The following TAF1 variants were observed in gnomAD, a reference collection of about 807,000 sequenced individuals.
The protein encoded by TAF1 is TATA-box binding protein associated factor 1, also known as transcription initiation factor TFIID subunit 1.
A neutral mutation model predicts 138.5 loss-of-function variants in TAF1; 2 were observed. The observed-to-expected ratio is 0.01, with a 90% CI of 0.01 to 0.05. The LOEUF (loss-of-function observed/expected upper bound fraction) is 0.05. Among genes scored for constraint, TAF1 ranks in the 10% least tolerant of loss-of-function variants. The pLI is 1.00. For missense variants in TAF1, 709 were observed against 1,478.0 expected, an observed-to-expected ratio of 0.48 and a Z score of 8.53; for synonymous variants, 437 against 503.2, an observed-to-expected ratio of 0.87 and a Z score of 1.76.
In TAF1 at chrX:71,388,393, C is replaced by T. The variant is rs2034367208; in HGVS notation, c.2569+15C>T. ...CAAACGCACAGGTCGTCTGTTGTGA[C>T]TAGTTATTTGTCTGCCTTTTTCCAA... On this transcript the variant is annotated intron_variant, in intron 16 of 37. Transcript: ENST00000423759. The T allele has an allele frequency of 8.4e-7, 1 of 1,195,593 alleles. No homozygotes were observed. The highest frequency in any genetic ancestry group is 1.9e-5 in the South Asian group (1 of 53,909).
At chrX:71,379,216 A>G (rs1425167101) in intron 8 of TAF1, among the ~76,000 whole-genome samples, 185 bp downstream of exon 8, 1 of 105,461 alleles carries the variant, frequency 9.5e-6, no homozygotes, top group Non-Finnish European at 1.9e-5. Context: ...CCCCAGTTCA[A>G]GCGGTTCTTC....
intron 32 of TAF1, among the ~76,000 whole-genome samples, chrX:71,447,997 G>T (rs762872376): frequency 1.1e-4 from 12 of 111,915 alleles, no homozygotes; most frequent in African/African-American, 3.9e-4. Flanking sequence ...CTTCAGCCAT[G>T]ATTTAACAAG....
intron 32 of TAF1, among the ~76,000 whole-genome samples, chrX:71,448,959 C>T (rs2037827198): frequency 9.1e-6 from 1 of 109,519 alleles, no homozygotes; most frequent in Admixed American, 9.8e-5. Context: ...GCTGGGACTA[C>T]AGGCATGTGC....
At chrX:71,370,454 CT>C (rs2032965018) in intron 3 of TAF1, among the ~76,000 whole-genome samples, 1 of 111,379 alleles carries the variant, frequency 9.0e-6, no homozygotes, top group African/African-American at 3.3e-5. Flanking sequence ...TCAAGTGATT[CT>C]TCCACCTCAG....
intron 25 of TAF1, among the ~76,000 whole-genome samples, chrX:71,405,654 A>G (rs1342418242): frequency 8.9e-6 from 1 of 112,418 alleles, no homozygotes; most frequent in Non-Finnish European, 1.9e-5. Context: ...CCCAGCCTCC[A>G]TCCTTGTTGA....
intron 13 of TAF1, among the ~76,000 whole-genome samples, chrX:71,511,765 C>T (rs1472947016): frequency 2.7e-5 from 3 of 111,837 alleles, no homozygotes; most frequent in South Asian, 3.7e-4. Context: ...CCTGTGATCC[C>T]GGCACTTTGG....
At chrX:71,455,619 A>G (rs1014587408) in intron 34 of TAF1, among the ~76,000 whole-genome samples, 10 of 112,126 alleles carry the variant, frequency 8.9e-5, no homozygotes, top group African/African-American at 2.9e-4. Context: ...CCTGCTGTCT[A>G]GCTTTGTAAT....
chrX:71,367,765 G>A, intron 2 of TAF1, 152 bp downstream of exon 2: 1 of 657,324 alleles, frequency 1.5e-6, no homozygotes, highest in Middle Eastern at 4.4e-4. Flanking sequence ...CCGCCACCCG[G>A]GTTCAAGCAT....
Position 71,388,840 on chromosome X carries a change from G to A in TAF1, c.2672G>A (p.Ser891Asn), listed in dbSNP as rs1051213693. ...VSPEQCCAYY[S>N]MIAAEQRLKD... ...CCAGAGCAGTGCTGTGCTTATTATA[G>A]CATGATAGCTGCAGAGCAACGACTG... The change falls in exon 17 of 38, where the codon AGC becomes AAC. Residue 891 changes from serine (S) to asparagine (N), a missense_variant. Coordinates refer to ENST00000423759, the MANE Select transcript of TAF1 (RefSeq NM_004606.5). The A allele has an allele frequency of 1.7e-6, 2 of 1,210,338 alleles. No individual in the cohort carries two copies. The highest frequency in any genetic ancestry group is 5.9e-5 in the East Asian group (2 of 33,827).
rs945728340 is a variant in TAF1, at chrX:71,513,931, A to G, written c.1367-14611A>G. On this transcript the variant is annotated intron_variant and NMD_transcript_variant, in intron 13 of 14. Transcript: ENST00000373775. Reference sequence around the variant, plus strand: ...AATGCACCAACCAGCACTCTGTAAAATGGACCAATCAGCAGGATGTGGGTG... The same window carrying G: ...AATGCACCAACCAGCACTCTGTAAAGTGGACCAATCAGCAGGATGTGGGTG... 3.9e-4 allele frequency among the ~76,000 whole-genome samples: 43 copies of G among 111,390 alleles called. No individual in the cohort carries two copies. In the South Asian group the frequency reaches 9.5e-3, roughly 25 times the overall value.
At chrX:71,518,697 T>C (rs1461129787) in intron 13 of TAF1, among the ~76,000 whole-genome samples, 4 of 94,333 alleles carry the variant, frequency 4.2e-5, no homozygotes, top group Non-Finnish European at 2.1e-5. Context: ...TCTTTCTTTT[T>C]TTTTTTTTTT....
chrX:71,376,925 A>C, intron 4 of TAF1, 25 bp from the exon 5 acceptor site: 2 of 1,208,513 alleles, frequency 1.7e-6, no homozygotes, highest in East Asian at 3.0e-5. Flanking sequence ...TTACATGCCA[A>C]AGGGGTTTCT....
chrX:71,527,270 C>T (rs1381030286), intron 13 of TAF1, among the ~76,000 whole-genome samples: 1 of 107,955 alleles, frequency 9.3e-6, no homozygotes, highest in Non-Finnish European at 1.9e-5. Flanking sequence ...CCTGTAATCC[C>T]AGCTACTCGG....
At chrX:71,401,403 A>C (rs2035168801) in intron 24 of TAF1, 125 bp from the exon 25 acceptor site, 5 of 844,590 alleles carry the variant, frequency 5.9e-6, no homozygotes, top group Non-Finnish European at 8.4e-6. Context: ...ATTTTGGTAT[A>C]CTTGGGGGTC....
intron 29 of TAF1, 99 bp downstream of exon 29, chrX:71,421,475 T>C: frequency 2.9e-6 from 2 of 698,004 alleles, no homozygotes; most frequent in Non-Finnish European, 4.4e-6. Flanking sequence ...GAAAAATATA[T>C]GCGGGAGTAG....
At chrX:71,379,220 G>A (rs2033702052) in intron 8 of TAF1, among the ~76,000 whole-genome samples, 189 bp downstream of exon 8, 1 of 106,421 alleles carries the variant, frequency 9.4e-6, no homozygotes, top group African/African-American at 3.5e-5. Context: ...AGTTCAAGCG[G>A]TTCTTCTGCC....
At chrX:71,474,100 G>C (rs1447294199) in intron 13 of TAF1, among the ~76,000 whole-genome samples, 1 of 110,570 alleles carries the variant, frequency 9.0e-6, no homozygotes, top group African/African-American at 3.3e-5. Flanking sequence ...AGCCAAGATT[G>C]CACCACTGCA....
intron 32 of TAF1, among the ~76,000 whole-genome samples, chrX:71,443,587 A>G (rs1732427478): frequency 8.9e-6 from 1 of 112,084 alleles, no homozygotes; most frequent in Non-Finnish European, 1.9e-5. Context: ...TTTTCTAGAT[A>G]TACAATCATG....
intron 25 of TAF1, 81 bp from the exon 26 acceptor site, chrX:71,406,557 T>C: frequency 1.0e-6 from 1 of 983,363 alleles, no homozygotes; most frequent in Non-Finnish European, 1.4e-6. Context: ...TACCTTGGAC[T>C]TTTTTTTAAT....
Sources: gnomAD v4.1 joint callset for allele counts (sites outside exome capture counted in the v4.1 genomes callset) on GRCh38, gnomAD v4.1.1 for gene constraint, MANE v1.5 for transcripts, NCBI Gene and HGNC (gene_info 2026-07-23, HGNC 2026-07-21) for gene names.